Variants in ETAA1 observed in about 807,000 individuals in gnomAD.
ETAA1 encodes ewing's tumor-associated antigen 1.
Under a neutral mutation model 76.8 loss-of-function variants are expected in ETAA1, and 49 were observed. The ratio of observed to expected loss-of-function variants is 0.64; its 90% confidence interval spans 0.51 to 0.81. The LOEUF (loss-of-function observed/expected upper bound fraction) is 0.81. Ranked by LOEUF, ETAA1 falls within the 30% of genes least tolerant of loss-of-function variation. ETAA1 has a pLI of 0.00. For synonymous variants in ETAA1, 373 were observed against 372.2 expected, an observed-to-expected ratio of 1.00 and a Z score of -0.03; for missense variants, 1,099 against 1,074.0, an observed-to-expected ratio of 1.02 and a Z score of -0.32.
Position 67,402,849 on chromosome 2 carries a change from C to T in ETAA1, c.430-13C>T, listed in dbSNP as rs1412634376. 6 of 1,559,774 alleles carry T rather than the reference C, an allele frequency of 3.8e-6. No homozygotes were observed. Among genetic ancestry groups the T allele is most frequent in the Middle Eastern group, 1.7e-4 (1 of 5,818 alleles). ...TGGTACTTTATACCTCTTTTTTTCC[C>T]TATCTGCCAAAGGATGAAAAACCAA... On this transcript the variant is annotated splice_polypyrimidine_tract_variant and intron_variant, in intron 3 of 5. Coordinates refer to ENST00000272342, the MANE Select transcript of ETAA1 (RefSeq NM_019002.4).
In ETAA1 at chr2:67,403,897, T is replaced by G. The variant is rs771862678; in HGVS notation, c.1215T>G (p.Ser405=). 6.2e-7 allele frequency: 1 copy of G among 1,612,910 alleles called. No individual in the cohort carries two copies. Among genetic ancestry groups the G allele is most frequent in the African/African-American group, 1.3e-5 (1 of 74,882 alleles). The stretch of plus-strand genomic sequence containing the variant: ...TCGACATGCCTGAACTCTTTCCTTC[T>G]AAAACAGCCCATGTTACTGATCAAA... ...QNIDMPELFP[S]KTAHVTDQKE... is the part of the protein sequence containing the mutation. The change falls in exon 5 of 6, where the codon TCT becomes TCG. Residue 405 remains serine (S), a synonymous_variant. Transcript: ENST00000272342.
rs570347476 is a variant in ETAA1 at position 67,411,431 on chromosome 2, C to G, written c.*1393C>G. ...AAATGCATTTACTACACTTAATCTA[C>G]CAGACAACATAGCTTAGCTTAGCCT... On this transcript the variant is annotated 3_prime_UTR_variant, in exon 6 of 6. Transcript: ENST00000272342. 7 of 152,046 alleles carry G rather than the reference C, an allele frequency of 4.6e-5. No homozygotes were observed. Among genetic ancestry groups the G allele is most frequent in the African/African-American group, 1.7e-4 (7 of 41,418 alleles). The allele number at this position is 152,046 out of a possible 1,614,324, so 9.4% of individuals were successfully genotyped here.
rs1245719989 is a variant in ETAA1, at chr2:67,403,899, A to AAAC, written c.1219_1221dup (p.Thr407dup). 3.1e-6 allele frequency: 5 copies of AAAC among 1,613,040 alleles called. No individual in the cohort carries two copies. In the South Asian group the frequency reaches 4.4e-5, roughly 14 times the overall value. On this transcript the variant is annotated inframe_insertion, in exon 5 of 6. Transcript: ENST00000272342. ...GACATGCCTGAACTCTTTCCTTCTA[A>AAAC]AACAGCCCATGTTACTGATCAAAAG...
In ETAA1 at chr2:67,399,311, A is replaced by C. The variant is rs749378760; in HGVS notation, c.352+14A>C. ...CAAAGCAGTTAGGTAATTAATTATT[A>C]ACATTTTTTATGTGAGTAAATATTT... On this transcript the variant is annotated intron_variant, in intron 2 of 5. Coordinates refer to ENST00000272342, the MANE Select transcript of ETAA1 (RefSeq NM_019002.4). 1 of 1,593,650 alleles carries C rather than the reference A, an allele frequency of 6.3e-7. No individual in the cohort carries two copies. The highest frequency in any genetic ancestry group is 8.6e-7 in the Non-Finnish European group (1 of 1,167,850).
rs746431602 is a variant in ETAA1 at position 67,404,587 on chromosome 2, T to C, written c.1905T>C (p.Ser635=). The C allele has an allele frequency of 1.2e-6, 2 of 1,613,452 alleles. No homozygotes were observed. Among genetic ancestry groups the C allele is most frequent in the Non-Finnish European group, 1.7e-6 (2 of 1,179,538 alleles). The stretch of plus-strand genomic sequence containing the variant: ...GAAAGGACAGTAAGACATCAGAAAG[T>C]ATATGTGAGATCAATAATAATTCCG... ...DIRKDSKTSE[S]ICEINNNSEH... The change falls in exon 5 of 6, where the codon AGT becomes AGC. Residue 635 remains serine, a synonymous_variant. Coordinates refer to ENST00000272342, the MANE Select transcript of ETAA1 (RefSeq NM_019002.4).
chr2:67,401,382 C>T (rs552658637), intron 3 of ETAA1: 4 of 151,756 alleles, frequency 2.6e-5, no homozygotes, highest in South Asian at 4.2e-4. Flanking sequence ...TTTAAATATG[C>T]GCTTTTATTT....
chr2:67,403,679 G>T lies in ETAA1; in HGVS notation c.997G>T (p.Glu333Ter). 2 of 1,613,346 alleles carry T rather than the reference G, an allele frequency of 1.2e-6. No individual in the cohort carries two copies. The highest frequency in any genetic ancestry group is 1.7e-6 in the Non-Finnish European group (2 of 1,179,462). The change falls in exon 5 of 6, where the codon GAA becomes TAA. Residue 333 changes from glutamate (E) to a stop codon, truncating the protein, a stop_gained. Transcript: ENST00000272342. LOFTEE classifies it high-confidence loss of function. ...KIITNETLVI[E>*]KLSNKTPRSL... ...CATTACTAATGAAACTCTGGTCATT[G>T]AAAAACTGTCAAATAAAACCCCACG...
rs1676172168 is a variant in ETAA1, at chr2:67,405,012, A to T, written c.2330A>T (p.Asn777Ile). Residue 777 changes from asparagine to isoleucine, a missense_variant, in exon 5 of 6, where the codon AAT (asparagine) becomes ATT (isoleucine). Around this residue, in one of 3 missense-constraint regions of ETAA1, gnomAD observed 302 missense variants for 278.1 expected, o/e 1.09. Coordinates refer to ENST00000272342, the MANE Select transcript of ETAA1 (RefSeq NM_019002.4). ...KLVLPGSSSL[N>I]VTSDHMNTEI... The stretch of plus-strand genomic sequence containing the variant: ...GTTCTTCCAGGAAGTTCAAGTTTGA[A>T]TGTAACTTCAGATCATATGAATACA... 6.2e-7 allele frequency: 1 copy of T among 1,611,774 alleles called. No homozygotes were observed. Among genetic ancestry groups the T allele is most frequent in the Non-Finnish European group, 8.5e-7 (1 of 1,178,682 alleles).
chr2:67,397,508 A>G lies in ETAA1; in HGVS notation c.60A>G (p.Thr20=). 3 of 1,600,788 alleles carry G rather than the reference A, an allele frequency of 1.9e-6. No individual in the cohort carries two copies. Among genetic ancestry groups the G allele is most frequent in the South Asian group, 1.1e-5 (1 of 89,154 alleles). The change falls in exon 1 of 6, where the codon ACA becomes ACG. Residue 20 remains threonine, a synonymous_variant. Coordinates refer to ENST00000272342, the MANE Select transcript of ETAA1 (RefSeq NM_019002.4). ...GCCCGAAGAAAACGCCGCACAAAAC[A>G]GTGGCGGCGGAGGAATGCGGCTCGG... ...SPSPKKTPHK[T]VAAEECGSVV...
Position 67,397,335 on chromosome 2 carries a change from C to G in ETAA1, c.-114C>G. The stretch of plus-strand genomic sequence containing the variant: ...CGGCCGCCTCTTGCGCGCGCCCCAC[C>G]GACCAAAATGGCGGCTGCCGTTGGT... On this transcript the variant is annotated 5_prime_UTR_variant, in exon 1 of 6. Coordinates refer to ENST00000272342, the MANE Select transcript of ETAA1 (RefSeq NM_019002.4). 8.5e-7 allele frequency: 1 copy of G among 1,175,412 alleles called. No individual in the cohort carries two copies. Among genetic ancestry groups the G allele is most frequent in the Non-Finnish European group, 1.2e-6 (1 of 807,218 alleles). The allele number at this position is 1,175,412 out of a possible 1,614,324, so 72.8% of individuals were successfully genotyped here.
At position 67,405,023 on chromosome 2, in the gene ETAA1, G is replaced by A; in HGVS notation, c.2341G>A (p.Asp781Asn). 6.2e-7 allele frequency: 1 copy of A among 1,611,738 alleles called. No homozygotes were observed. The highest frequency in any genetic ancestry group is 8.5e-7 in the Non-Finnish European group (1 of 1,178,808). ...PGSSSLNVTS[D>N]HMNTEITTYK... ...AAGTTCAAGTTTGAATGTAACTTCA[G>A]ATCATATGAATACAGAAATTACTAC... is the stretch of plus-strand genomic sequence containing the variant. Residue 781 changes from aspartate (D) to asparagine (N), a missense_variant, in exon 5 of 6, where the codon GAT (aspartate) becomes AAT (asparagine). Asp to Asn is a conservative substitution (Grantham distance 23). This residue lies in a region of ETAA1 where 302 missense variants were observed against 278.1 expected (regional missense o/e 1.09). Coordinates refer to ENST00000272342, the MANE Select transcript of ETAA1 (RefSeq NM_019002.4).
intron 1 of ETAA1, 22 bp from the exon 2 acceptor site, chr2:67,399,147 A>G: frequency 6.3e-7 from 1 of 1,598,796 alleles, no homozygotes; most frequent in East Asian, 2.2e-5. Context: ...AACAATTGTT[A>G]TTTTACTCAT....
At chr2:67,405,597 C>G (rs1482722616) in intron 5 of ETAA1, among the ~76,000 whole-genome samples, 2 of 151,916 alleles carry the variant, frequency 1.3e-5, no homozygotes, top group Admixed American at 1.3e-4. Flanking sequence ...AGTAGGTACT[C>G]AGTAAATATT....
In ETAA1 at chr2:67,404,500, T is replaced by A. The variant is rs201864763; in HGVS notation, c.1818T>A (p.Asp606Glu). ...LDNTWEADDVDDDLLYQACDD... is the reference protein window; with the variant it reads ...LDNTWEADDVEDDLLYQACDD... ...ATACCTGGGAAGCAGATGATGTAGA[T>A]GATGATTTGTTGTACCAAGCATGTG... The change falls in exon 5 of 6, where the codon GAT (aspartate) becomes GAA (glutamate). Residue 606 changes from aspartate (D) to glutamate (E), a missense_variant. By Grantham distance (45) the Asp-to-Glu change is conservative. Transcript: ENST00000272342. 3.7e-5 allele frequency: 60 copies of A among 1,613,248 alleles called. No homozygotes were observed. The highest frequency in any genetic ancestry group is 5.0e-5 in the Non-Finnish European group (59 of 1,179,560).
intron 3 of ETAA1, chr2:67,401,248 T>C (rs986728558): frequency 6.6e-6 from 1 of 152,078 alleles, no homozygotes; most frequent in Non-Finnish European, 1.5e-5. Context: ...TATAAATCTT[T>C]AGCAGTTTCA....
rs774725440 is a variant in ETAA1, at chr2:67,404,184, C to T, written c.1502C>T (p.Ser501Phe). Residue 501 changes from serine (S) to phenylalanine (F), a missense_variant, in exon 5 of 6, where the codon TCT becomes TTT. Coordinates refer to ENST00000272342, the MANE Select transcript of ETAA1 (RefSeq NM_019002.4). ...QDEIQNCIVT[S>F]NLTKIKEDIL... Reference sequence around the variant, plus strand: ...GAAATTCAAAATTGTATAGTTACATCTAATCTGACAAAAATAAAGGAAGAT... The same window carrying T: ...GAAATTCAAAATTGTATAGTTACATTTAATCTGACAAAAATAAAGGAAGAT... 6.2e-7 allele frequency: 1 copy of T among 1,608,810 alleles called. No individual in the cohort carries two copies. Among genetic ancestry groups the T allele is most frequent in the South Asian group, 1.1e-5 (1 of 90,524 alleles).
chr2:67,404,768 A>G lies in ETAA1; in HGVS notation c.2086A>G (p.Asn696Asp). 3 of 1,613,456 alleles carry G rather than the reference A, an allele frequency of 1.9e-6. No homozygotes were observed. The highest frequency in any genetic ancestry group is 1.7e-6 in the Non-Finnish European group (2 of 1,179,570). The change falls in exon 5 of 6, where the codon AAT becomes GAT. Residue 696 changes from asparagine to aspartate, a missense_variant. Transcript: ENST00000272342. ...TAATTTGGTACAATCAAAGCATTTG[A>G]ATCCAGGCAGCATTTCAGTGCAGAC... is the stretch of plus-strand genomic sequence containing the variant. ...GSNLVQSKHL[N>D]PGSISVQTSL...
At chr2:67,405,782 T>C (rs1676201223) in intron 5 of ETAA1, among the ~76,000 whole-genome samples, 1 of 152,132 alleles carries the variant, frequency 6.6e-6, no homozygotes, top group Non-Finnish European at 1.5e-5. Flanking sequence ...TAAACGTCTT[T>C]ACTAGTGTGA....
At position 67,404,834 on chromosome 2, in the gene ETAA1, A is replaced by G; in HGVS notation, c.2152A>G (p.Met718Val). Reference protein sequence around the residue: ...NSSQIDKPMKMEKGEMYGNSP... With the variant: ...NSSQIDKPMKVEKGEMYGNSP... ...CTCACAAATAGATAAGCCAATGAAGATGGAGAAAGGGGAAATGTATGGAAA... is the reference window on the plus strand; with the variant it reads ...CTCACAAATAGATAAGCCAATGAAGGTGGAGAAAGGGGAAATGTATGGAAA... Residue 718 changes from methionine (M) to valine (V), a missense_variant, in exon 5 of 6, where the codon ATG (methionine) becomes GTG (valine). This residue lies in a region of ETAA1 where 302 missense variants were observed against 278.1 expected (regional missense o/e 1.09). Coordinates refer to ENST00000272342, the MANE Select transcript of ETAA1 (RefSeq NM_019002.4). 1 of 1,613,300 alleles carries G rather than the reference A, an allele frequency of 6.2e-7. No individual in the cohort carries two copies. The highest frequency in any genetic ancestry group is 8.5e-7 in the Non-Finnish European group (1 of 1,179,498).
Sources: gnomAD v4.1 joint callset for allele counts (sites outside exome capture counted in the v4.1 genomes callset) on GRCh38, gnomAD v4.1.1 for gene constraint, gnomAD v4.1.1 regional missense constraint, MANE v1.5 for transcripts, NCBI Gene and HGNC (gene_info 2026-07-23, HGNC 2026-07-21) for gene names.